DHX58: variants seen among roughly 807,000 people sequenced by gnomAD.
DHX58 encodes DExH-box helicase 58.
In DHX58, 51 loss-of-function variants were observed where a neutral mutation model predicts 65.0. The observed-to-expected ratio is 0.78, with a 90% confidence interval of 0.63 to 0.99. The LOEUF (loss-of-function observed/expected upper bound fraction) is 0.99, where lower values mean the gene tolerates loss of function less well. DHX58 is among the 50% of genes least tolerant of loss of function. The pLI is 0.00. For missense variants in DHX58, 773 were observed against 891.8 expected, an observed-to-expected ratio of 0.87 and a Z score of 1.70; for synonymous variants, 350 against 365.0, an observed-to-expected ratio of 0.96 and a Z score of 0.47.
intron 7 of DHX58, 72 bp downstream of exon 7, chr17:42,107,910 C>G: frequency 6.2e-7 from 1 of 1,603,004 alleles, no homozygotes; most frequent in Non-Finnish European, 8.5e-7. Flanking sequence ...CCCCAAAGGC[C>G]TCCGCCCCGG....
At chr17:42,107,948 TC>T in intron 7 of DHX58, 33 bp downstream of exon 7, 1 of 1,600,084 alleles carries the variant, frequency 6.2e-7, no homozygotes, top group South Asian at 1.1e-5. Flanking sequence ...CACTCCCACA[TC>T]CTCGCCTCCG....
chr17:42,108,003 C>G lies in DHX58; in HGVS notation c.784G>C (p.Val262Leu). Residue 262 changes from valine to leucine, a missense_variant, in exon 7 of 14, where the codon GTG becomes CTG. By Grantham distance (32) the Val-to-Leu change is conservative. Transcript: ENST00000251642. Reference sequence around the variant, plus strand: ...TCACCAGCCTCACTCAGCTTCACCACCTGCTGCTCATACATTTGCGTCCCA... The same window carrying G: ...TCACCAGCCTCACTCAGCTTCACCAGCTGCTGCTCATACATTTGCGTCCCA... ...KFGTQMYEQQ[V>L]VKLSEAAALA... The G allele has an allele frequency of 1.2e-6, 2 of 1,614,254 alleles. No individual in the cohort carries two copies. The highest frequency in any genetic ancestry group is 1.7e-6 in the Non-Finnish European group (2 of 1,180,052).
chr17:42,110,709 G>C lies in DHX58; in HGVS notation c.561+14C>G. The C allele has an allele frequency of 6.3e-7, 1 of 1,577,946 alleles. No homozygotes were observed. Among genetic ancestry groups the C allele is most frequent in the Middle Eastern group, 1.7e-4 (1 of 5,798 alleles). ...TGGGTCTGGCAGTGGGAGGCCCACA[G>C]GGGCCAGGCTGACCTGCAGGACGTG... On this transcript the variant is annotated intron_variant, in intron 5 of 13. Transcript: ENST00000251642.
chr17:42,108,941 C>T (rs529035747), intron 6 of DHX58, among the ~76,000 whole-genome samples: 1 of 152,376 alleles, frequency 6.6e-6, no homozygotes, highest in East Asian at 1.9e-4. Context: ...CTTGTCCAGT[C>T]CAGTCATGGC....
chr17:42,107,581 CG>C, intron 8 of DHX58, 22 bp downstream of exon 8: 1 of 1,537,630 alleles, frequency 6.5e-7, no homozygotes, highest in Non-Finnish European at 8.8e-7. Flanking sequence ...TCCCCGGCCC[CG>C]AAGCCCCCTC....
intron 6 of DHX58, among the ~76,000 whole-genome samples, chr17:42,109,005 G>A (rs1322644363): frequency 6.6e-6 from 1 of 152,234 alleles, no homozygotes; most frequent in African/African-American, 2.4e-5. Context: ...TCAGCACAAA[G>A]TATCCCTGCT....
intron 7 of DHX58, 56 bp downstream of exon 7, chr17:42,107,926 C>T (rs1312925441): frequency 1.9e-6 from 3 of 1,610,654 alleles, no homozygotes; most frequent in African/African-American, 2.7e-5. Context: ...CCCGGCAGGC[C>T]CCGCCCCTGA....
intron 5 of DHX58, among the ~76,000 whole-genome samples, chr17:42,110,449 G>A (rs1157713932): frequency 1.3e-5 from 2 of 152,244 alleles, no homozygotes; most frequent in Non-Finnish European, 2.9e-5. Context: ...AGGCAGGCCA[G>A]TGTAACTGTA....
chr17:42,104,239 C>G (rs1179103823), intron 11 of DHX58, among the ~76,000 whole-genome samples: 2 of 151,294 alleles, frequency 1.3e-5, no homozygotes, highest in Non-Finnish European at 2.9e-5. Flanking sequence ...TGGAGAAAAA[C>G]AGTATGAGTA....
Position 42,108,073 on chromosome 17 carries a change from G to A in DHX58, c.714C>T (p.Asp238=). 6.2e-7 allele frequency: 1 copy of A among 1,614,242 alleles called. No homozygotes were observed. The highest frequency in any genetic ancestry group is 8.5e-7 in the Non-Finnish European group (1 of 1,180,040). ...GCATCTCCAGGTGGTCATGGATTTG[G>A]TCCATGAGCTTCTTCAGCAAGTCCC... ...PFGDLLKKLM[D]QIHDHLEMPE... Residue 238 remains aspartate, a synonymous_variant, in exon 7 of 14, where the codon GAC becomes GAT. Coordinates refer to ENST00000251642, the MANE Select transcript of DHX58 (RefSeq NM_024119.3).
chr17:42,109,466 AG>A (rs1469113003), intron 5 of DHX58, 80 bp from the exon 6 acceptor site: 2 of 1,177,650 alleles, frequency 1.7e-6, no homozygotes, highest in East Asian at 4.8e-5. Context: ...GATGGATCCC[AG>A]CTGAGGACAG....
At chr17:42,103,324 A>G in intron 12 of DHX58, 1 of 455,916 alleles carries the variant, frequency 2.2e-6, no homozygotes, top group South Asian at 2.4e-5. Flanking sequence ...AATAGGTAGG[A>G]CCAGAGGGTC....
intron 8 of DHX58, among the ~76,000 whole-genome samples, chr17:42,107,315 A>G (rs1385039225): frequency 6.6e-6 from 1 of 151,480 alleles, no homozygotes; most frequent in Non-Finnish European, 1.5e-5. Context: ...GCAGTGAGCT[A>G]TGATTGCACA....
intron 6 of DHX58, among the ~76,000 whole-genome samples, chr17:42,108,549 G>A (rs1387772928): frequency 7.9e-5 from 12 of 151,820 alleles, no homozygotes; most frequent in Non-Finnish European, 1.5e-4. Context: ...ACGCTTGCTC[G>A]CCCAGAGAGA....
intron 2 of DHX58, 21 bp downstream of exon 2, chr17:42,112,092 C>T: frequency 4.8e-6 from 3 of 628,266 alleles, no homozygotes; most frequent in Non-Finnish European, 7.9e-6. Context: ...ACACCTGCCC[C>T]CTGCCCAGCC....
chr17:42,112,087 T>C (rs1024662182), intron 2 of DHX58, 26 bp downstream of exon 2: 15 of 640,260 alleles, frequency 2.3e-5, no homozygotes, highest in Admixed American at 2.3e-4. Context: ...AGGCTACACC[T>C]GCCCCCTGCC....
At chr17:42,111,687 T>C (rs527835506) in intron 3 of DHX58, 38 bp downstream of exon 3, 2 of 1,585,778 alleles carry the variant, frequency 1.3e-6, no homozygotes, top group South Asian at 1.1e-5. Context: ...AAGACCCTGC[T>C]TGGTGGTGGG....
chr17:42,101,964 A>G lies in DHX58; in HGVS notation c.1852-18T>C. ...CCCCAGACCTGGAGGTGAGACAGAG[A>G]GGGTAGGGTCTGGGTCTCTGGCCTC... is the stretch of plus-strand genomic sequence containing the variant. On this transcript the variant is annotated intron_variant, in intron 13 of 13. Coordinates refer to ENST00000251642, the MANE Select transcript of DHX58 (RefSeq NM_024119.3). The G allele has an allele frequency of 1.3e-6, 2 of 1,598,158 alleles. No homozygotes were observed. Among genetic ancestry groups the G allele is most frequent in the Non-Finnish European group, 1.7e-6 (2 of 1,171,186 alleles).
intron 12 of DHX58, chr17:42,103,247 G>C (rs782127462): frequency 7.6e-6 from 2 of 262,670 alleles, no homozygotes; most frequent in African/African-American, 2.3e-5. Context: ...ATGGGGGAAG[G>C]TTACTCTCTA....
Sources: allele counts gnomAD v4.1 joint callset (sites outside exome capture counted in the v4.1 genomes callset), GRCh38; gene constraint gnomAD v4.1.1; transcripts MANE v1.5; gene names NCBI Gene and HGNC (gene_info 2026-07-23, HGNC 2026-07-21).